Variants in GRM1 observed in about 807,000 individuals in gnomAD.
GRM1 encodes glutamate metabotropic receptor 1.
Under a neutral mutation model 90.9 loss-of-function variants are expected in GRM1, and 33 were observed. That is an observed-to-expected ratio of 0.36 (90% CI 0.28 to 0.49). The LOEUF (loss-of-function observed/expected upper bound fraction) is 0.49. Among genes scored for constraint, GRM1 ranks in the 20% least tolerant of loss-of-function variants. The pLI is 0.99. For synonymous variants in GRM1, 700 were observed against 613.2 expected (o/e 1.14, Z -2.09); for missense variants, 1,190 against 1,534.3 (o/e 0.78, Z 3.75).
chr6:146,410,554 G>A (rs1227524083), intron 7 of GRM1, among the ~76,000 whole-genome samples: 3 of 152,144 alleles, frequency 2.0e-5, no homozygotes, highest in Admixed American at 2.0e-4. Context: ...ACAAAGTGAA[G>A]TTCTACAACA....
chr6:146,205,058 C>T (rs1779447500), intron 2 of GRM1, among the ~76,000 whole-genome samples: 1 of 152,134 alleles, frequency 6.6e-6, no homozygotes, highest in Non-Finnish European at 1.5e-5. Flanking sequence ...CCAATGACTT[C>T]ATTTATATTC....
At chr6:146,287,256 C>A (rs906534133) in intron 2 of GRM1, among the ~76,000 whole-genome samples, 10 of 152,110 alleles carry the variant, frequency 6.6e-5, no homozygotes, top group Non-Finnish European at 1.2e-4. Flanking sequence ...TCTGGGGCAA[C>A]CTTCCTGTCT....
Position 146,162,615 on chromosome 6 carries a change from T to G in GRM1, c.950+3018T>G, listed in dbSNP as rs374610375. On this transcript the variant is annotated intron_variant, in intron 2 of 7. Coordinates refer to ENST00000282753, the MANE Select transcript of GRM1 (RefSeq NM_001278064.2). ...AAGTAGTGTCACTCATCACCTCACA[T>G]GCCTAATGCCTTAAAATGACCCCCT... Among the ~76,000 whole-genome samples the G allele has an allele frequency of 2.0e-5, 3 of 152,154 alleles. No homozygotes were observed. In the East Asian group the frequency reaches 5.8e-4, roughly 29 times the overall value.
rs1490470845 is a variant in GRM1, at chr6:146,074,862, A to C, written c.700+44645A>C. Among the ~76,000 whole-genome samples, 3 of 152,172 alleles carry C rather than the reference A, an allele frequency of 2.0e-5. No individual in the cohort carries two copies. In the East Asian group the frequency reaches 5.8e-4, roughly 29 times the overall value. ...ACCATGGTTCTGTGACAAGTTAGAG[A>C]AGTCCAAAATACCTGTGCAAATTAC... On this transcript the variant is annotated intron_variant, in intron 1 of 7. Coordinates refer to ENST00000282753, the MANE Select transcript of GRM1 (RefSeq NM_001278064.2).
Position 146,029,742 on chromosome 6 carries a change from C to T in GRM1, c.225C>T (p.Gly75=), listed in dbSNP as rs1790642766. 6.2e-7 allele frequency: 1 copy of T among 1,613,888 alleles called. No homozygotes were observed. The highest frequency in any genetic ancestry group is 1.3e-5 in the African/African-American group (1 of 74,898). Reference sequence around the variant, plus strand: ...GTGGGGAGATCAGGGAGCAGTATGGCATCCAGAGGGTGGAGGCCATGTTCC... The same window carrying T: ...GTGGGGAGATCAGGGAGCAGTATGGTATCCAGAGGGTGGAGGCCATGTTCC... ...RKCGEIREQY[G]IQRVEAMFHT... is the part of the protein sequence containing the mutation. The change falls in exon 1 of 8, where the codon GGC becomes GGT. Residue 75 remains glycine (G), a synonymous_variant. Coordinates refer to ENST00000282753, the MANE Select transcript of GRM1 (RefSeq NM_001278064.2).
At chr6:146,257,781 G>A (rs1434009797) in intron 2 of GRM1, among the ~76,000 whole-genome samples, 1 of 151,740 alleles carries the variant, frequency 6.6e-6, no homozygotes, top group Non-Finnish European at 1.5e-5. Context: ...TCAATGGATT[G>A]CAGGATGCCT....
chr6:146,074,123 A>G (rs1252756860), intron 1 of GRM1, among the ~76,000 whole-genome samples: 1 of 152,110 alleles, frequency 6.6e-6, no homozygotes, highest in African/African-American at 2.4e-5. Context: ...CCTGCTTAAC[A>G]TAGGAGGTCA....
chr6:146,133,454 G>A (rs1307081885), intron 1 of GRM1, among the ~76,000 whole-genome samples: 1 of 152,192 alleles, frequency 6.6e-6, no homozygotes, highest in Non-Finnish European at 1.5e-5. Flanking sequence ...ATATAGATTA[G>A]GGGAGATGAC....
intron 3 of GRM1, among the ~76,000 whole-genome samples, chr6:146,340,737 G>C (rs1358575424): frequency 1.3e-5 from 2 of 152,062 alleles, no homozygotes; most frequent in Non-Finnish European, 2.9e-5. Flanking sequence ...TTAGAGACAG[G>C]GTTTCAGTAT....
intron 2 of GRM1, among the ~76,000 whole-genome samples, chr6:146,303,313 G>T (rs1783461801): frequency 6.6e-6 from 1 of 152,096 alleles, no homozygotes. Context: ...GCACCACTCT[G>T]TGCAGAGAAG....
intron 2 of GRM1, among the ~76,000 whole-genome samples, chr6:146,273,815 G>A (rs1172168495): frequency 6.6e-6 from 1 of 152,194 alleles, no homozygotes; most frequent in African/African-American, 2.4e-5. Flanking sequence ...TTGTTAAAGG[G>A]TTATTACAAG....
Position 146,399,475 on chromosome 6 carries a change from C to T in GRM1, c.2436C>T (p.Ile812=). The part of the protein sequence containing the change: ...VPIYFGSNYK[I]ITTCFAVSLS... The stretch of plus-strand genomic sequence containing the variant: ...TTTACTTTGGGAGCAACTACAAGAT[C>T]ATCACAACTTGCTTTGCAGTGAGTC... The change falls in exon 7 of 8, where the codon ATC becomes ATT. Residue 812 remains isoleucine, a synonymous_variant. Coordinates refer to ENST00000282753, the MANE Select transcript of GRM1 (RefSeq NM_001278064.2). This position sits in a 1 kb window ranked among gnomAD's most constrained non-coding sequence, Gnocchi z 5.4. 2 of 1,614,126 alleles carry T rather than the reference C, an allele frequency of 1.2e-6. No individual in the cohort carries two copies. Among genetic ancestry groups the T allele is most frequent in the South Asian group, 2.2e-5 (2 of 91,082 alleles).
chr6:146,157,236 G>T (rs1562498175), intron 1 of GRM1, among the ~76,000 whole-genome samples: 1 of 152,142 alleles, frequency 6.6e-6, no homozygotes, highest in Non-Finnish European at 1.5e-5. Context: ...AACAGGAGAA[G>T]GTTGTATCAC....
At chr6:146,357,715 T>A in intron 5 of GRM1, 21 bp downstream of exon 5, 9 of 1,606,048 alleles carry the variant, frequency 5.6e-6, no homozygotes, top group Non-Finnish European at 7.7e-6. Context: ...AATGCATTCT[T>A]GCATGGTATC....
intron 5 of GRM1, among the ~76,000 whole-genome samples, chr6:146,385,505 C>T (rs369390815): frequency 5.1e-4 from 77 of 151,564 alleles, no homozygotes; most frequent in African/African-American, 1.7e-3. Flanking sequence ...CTTTTTCAAA[C>T]AAATAGAAGC....
At chr6:146,384,942 C>T (rs893999932) in intron 5 of GRM1, among the ~76,000 whole-genome samples, 3 of 151,838 alleles carry the variant, frequency 2.0e-5, no homozygotes, top group Admixed American at 1.3e-4. Context: ...AGGAAACAGG[C>T]AAATGAGGCA....
At chr6:146,218,117 G>A (rs376281716) in intron 2 of GRM1, among the ~76,000 whole-genome samples, 1 of 152,236 alleles carries the variant, frequency 6.6e-6, no homozygotes, top group African/African-American at 2.4e-5. Flanking sequence ...TGTGGAGAGC[G>A]ATCACTGCTG....
chr6:146,340,309 A>G (rs1432292293), intron 3 of GRM1: 1 of 152,186 alleles, frequency 6.6e-6, no homozygotes, highest in African/African-American at 2.4e-5. Flanking sequence ...TCTTGGTACT[A>G]GTGCCCATTT....
intron 1 of GRM1, among the ~76,000 whole-genome samples, chr6:146,041,668 T>C (rs1791111993): frequency 6.6e-6 from 1 of 151,982 alleles, no homozygotes; most frequent in South Asian, 2.1e-4. Context: ...CGGTATCTCC[T>C]TTGTCTTCTG....
Sources: allele counts gnomAD v4.1 joint callset (sites outside exome capture counted in the v4.1 genomes callset), GRCh38; gene constraint gnomAD v4.1.1; non-coding constraint Gnocchi (gnomAD v3.1); transcripts MANE v1.5; gene names NCBI Gene and HGNC (gene_info 2026-07-23, HGNC 2026-07-21).